TNS1: variants seen among roughly 807,000 people sequenced by gnomAD.
The protein encoded by TNS1 is tensin 1.
In TNS1, 62 loss-of-function variants were observed where a neutral mutation model predicts 168.6. The observed-to-expected ratio is 0.37, with a 90% CI of 0.30 to 0.45. The LOEUF is 0.45. Ranked by LOEUF, TNS1 falls within the 20% of genes least tolerant of loss-of-function variation. The pLI, the probability that TNS1 is intolerant of heterozygous loss-of-function variation, is 1.00. For synonymous variants in TNS1, 934 were observed against 933.2 expected, an observed-to-expected ratio of 1.00 and a Z score of -0.02; for missense variants, 2,240 against 2,339.4, an observed-to-expected ratio of 0.96 and a Z score of 0.88.
At chr2:217,939,240 C>T (rs981403819) in intron 3 of TNS1, among the ~76,000 whole-genome samples, 4 of 152,106 alleles carry the variant, frequency 2.6e-5, no homozygotes, top group South Asian at 4.1e-4. Flanking sequence ...GCTGGTAAAC[C>T]GGGTCATCAT....
At position 217,990,931 on chromosome 2, in the gene TNS1, C is replaced by T. The variant is rs982322795; in HGVS notation, c.148+11G>A. 1.9e-5 allele frequency: 12 copies of T among 640,434 alleles called. No homozygotes were observed. In the Admixed American group the frequency reaches 2.2e-4, roughly 11 times the overall value. 39.7% of individuals were successfully genotyped at this position (640,434 alleles called of 1,614,324 possible). On this transcript the variant is annotated intron_variant, in intron 2 of 32. Transcript: ENST00000682258. Reference sequence around the variant, plus strand: ...GTGCTCCCATCCCCCACAGCCCAGACCGCTGCTCACCTTTGCAGGTGCAGC... The same window carrying T: ...GTGCTCCCATCCCCCACAGCCCAGATCGCTGCTCACCTTTGCAGGTGCAGC...
Position 217,897,939 on chromosome 2 carries a change from G to C in TNS1, c.402C>G (p.Asp134Glu), listed in dbSNP as rs781413984. The change falls in exon 8 of 33, where the codon GAC becomes GAG. Residue 134 changes from aspartate (D) to glutamate (E), a missense_variant. Asp to Glu is a conservative substitution (Grantham distance 45, BLOSUM62 2). This residue lies in a region of TNS1 where 2,131 missense variants were observed against 2,171.2 expected (regional missense o/e 0.98). Transcript: ENST00000682258. ...CGTACACCAGGTCCAGCTCACAGCTGTCCTCCATGGTCCGGCTCACACTCA... is the reference window on the plus strand; with the variant it reads ...CGTACACCAGGTCCAGCTCACAGCTCTCCTCCATGGTCCGGCTCACACTCA... ...RNMSVSRTME[D>E]SCELDLVYVT... The C allele has an allele frequency of 6.2e-6, 10 of 1,610,824 alleles. No homozygotes were observed. The highest frequency in any genetic ancestry group is 1.7e-5 in the Admixed American group (1 of 59,598).
intron 3 of TNS1, among the ~76,000 whole-genome samples, chr2:217,971,597 A>G (rs1957774806): frequency 6.6e-6 from 1 of 152,220 alleles, no homozygotes; most frequent in Non-Finnish European, 1.5e-5. Context: ...CTTGGAGTGG[A>G]ATTTCTGGGT....
At chr2:217,968,819 C>A (rs930100057) in intron 3 of TNS1, among the ~76,000 whole-genome samples, 1 of 152,122 alleles carries the variant, frequency 6.6e-6, no homozygotes, top group Non-Finnish European at 1.5e-5. Flanking sequence ...GTCAGCCTCC[C>A]GAGTAGCTGG....
Position 218,033,584 on chromosome 2 carries a change from A to G in TNS1, c.156+236T>C, listed in dbSNP as rs1236262925. Among the ~76,000 whole-genome samples the G allele has an allele frequency of 6.6e-6, 1 of 152,052 alleles. No individual in the cohort carries two copies. The highest frequency in any genetic ancestry group is 1.5e-5 in the Non-Finnish European group (1 of 67,988). On this transcript the variant is annotated intron_variant, in intron 1 of 1. Coordinates refer to the TNS1 transcript ENST00000649572. The surrounding 1 kb of genome is among the most constrained non-coding windows in gnomAD (Gnocchi z 4.3). ...TTTGCCCTTCTAGGGGTCAGGTCCT[A>G]TATCACCCTCCTCCCAAGGGCACAA...
chr2:217,818,061 T>C lies in TNS1; in HGVS notation c.4271A>G (p.His1424Arg), dbSNP rs200704877. The C allele has an allele frequency of 6.2e-7, 1 of 1,610,822 alleles. No homozygotes were observed. The highest frequency in any genetic ancestry group is 1.3e-5 in the African/African-American group (1 of 75,022). Residue 1424 changes from histidine to arginine, a missense_variant, in exon 24 of 33, where the codon CAT becomes CGT. Transcript: ENST00000682258. ...VVPGSPCLDR[H>R]VAYGGYSTPE... ...GGTAGAATAGCCACCATAGGCCACA[T>C]GCCGGTCCAAGCAGGGGCTGCCGGG...
chr2:218,025,622 T>C (rs1211240203), intron 1 of TNS1, among the ~76,000 whole-genome samples: 4 of 151,922 alleles, frequency 2.6e-5, no homozygotes, highest in Non-Finnish European at 5.9e-5. Context: ...GTCCCTGCCA[T>C]TGGCAGAGTG....
At chr2:218,023,543 G>T (rs1197877083) in intron 1 of TNS1, among the ~76,000 whole-genome samples, 1 of 152,150 alleles carries the variant, frequency 6.6e-6, no homozygotes, top group African/African-American at 2.4e-5. Context: ...AAGTGAAGAG[G>T]TCAACTAGAT....
intron 19 of TNS1, among the ~76,000 whole-genome samples, chr2:217,839,727 C>T (rs574547978): frequency 6.6e-6 from 1 of 152,222 alleles, no homozygotes; most frequent in Non-Finnish European, 1.5e-5. Flanking sequence ...CTGCACCCCC[C>T]AGACTGGCCA....
intron 3 of TNS1, among the ~76,000 whole-genome samples, chr2:217,970,548 A>C (rs369070347): frequency 5.9e-5 from 9 of 152,356 alleles, no homozygotes; most frequent in African/African-American, 1.7e-4. Flanking sequence ...CACTCATATA[A>C]TGGAATATTA....
At chr2:217,970,119 C>T (rs1292823538) in intron 3 of TNS1, among the ~76,000 whole-genome samples, 1 of 152,132 alleles carries the variant, frequency 6.6e-6, no homozygotes, top group Non-Finnish European at 1.5e-5. Flanking sequence ...CCAAGGAACA[C>T]CAAAGATCGC....
intron 18 of TNS1, among the ~76,000 whole-genome samples, chr2:217,856,141 T>A (rs1181401169): frequency 6.6e-6 from 1 of 152,150 alleles, no homozygotes; most frequent in Non-Finnish European, 1.5e-5. Context: ...CTGTCACCCA[T>A]GACTTGCATG....
intron 1 of TNS1, among the ~76,000 whole-genome samples, chr2:217,999,465 TGCACTCTCG>T (rs548523562): frequency 5.9e-5 from 9 of 152,356 alleles, no homozygotes; most frequent in African/African-American, 2.2e-4. Flanking sequence ...GCCCAGGCAT[TGCACTCTCG>T]GCCAGCATGC....
chr2:217,891,790 G>A (rs1437049672), intron 11 of TNS1, among the ~76,000 whole-genome samples: 3 of 151,916 alleles, frequency 2.0e-5, no homozygotes, highest in Non-Finnish European at 4.4e-5. Flanking sequence ...TCAGCCCCTC[G>A]CATTCCCATC....
chr2:217,970,396 T>A (rs1957748477), intron 3 of TNS1, among the ~76,000 whole-genome samples: 1 of 152,104 alleles, frequency 6.6e-6, no homozygotes, highest in African/African-American at 2.4e-5. Flanking sequence ...CACTCCCAAC[T>A]ACACACACCC....
At chr2:217,889,832 G>A (rs1188898163) in intron 12 of TNS1, among the ~76,000 whole-genome samples, 1 of 152,348 alleles carries the variant, frequency 6.6e-6, no homozygotes, top group Middle Eastern at 3.4e-3. Context: ...AAACAGAGCT[G>A]GGCCTGCGTC....
chr2:217,809,503 GCAT>G (rs1940299235), intron 30 of TNS1, among the ~76,000 whole-genome samples: 1 of 26,866 alleles, frequency 3.7e-5, no homozygotes, highest in Non-Finnish European at 7.4e-5. Context: ...ATGGATGGAT[GCAT>G]GGATGGATGG....
chr2:217,809,336 G>GATGCATGGATGGATGGATGGATAGGTGC (rs1940071533), intron 30 of TNS1, among the ~76,000 whole-genome samples: 5 of 44,198 alleles, frequency 1.1e-4, no homozygotes, highest in Non-Finnish European at 1.4e-4. Flanking sequence ...TGGATGGATG[G>GATGCATGGATGGATGGATGGATAGGTGC]ATGGATGGAT....
chr2:218,028,582 G>A (rs977855183), intron 1 of TNS1, among the ~76,000 whole-genome samples: 4 of 152,108 alleles, frequency 2.6e-5, no homozygotes, highest in African/African-American at 9.7e-5. Context: ...GGCTTACTGG[G>A]GAGGCACACT....
Sources: gnomAD v4.1 joint callset for allele counts (sites outside exome capture counted in the v4.1 genomes callset) on GRCh38, gnomAD v4.1.1 for gene constraint, gnomAD v4.1.1 regional missense constraint, Gnocchi (gnomAD v3.1) non-coding constraint, MANE v1.5 for transcripts, NCBI Gene and HGNC (gene_info 2026-07-23, HGNC 2026-07-21) for gene names.